The following C1orf21 variants were observed in gnomAD, a reference collection of about 807,000 sequenced individuals.
The protein encoded by C1orf21 is uncharacterized protein C1orf21.
Under a neutral mutation model 18.7 loss-of-function variants are expected in C1orf21, and 3 were observed. The observed-to-expected ratio is 0.16, with a 90% CI of 0.07 to 0.42. C1orf21 has a LOEUF of 0.42. C1orf21 is among the 10% of genes least tolerant of loss of function. The pLI is 0.99. For missense variants in C1orf21, 104 were observed against 143.6 expected (o/e 0.72, Z 1.41); for synonymous variants, 41 against 46.4 (o/e 0.88, Z 0.47).
intron 5 of C1orf21, among the ~76,000 whole-genome samples, chr1:184,602,211 G>T (rs1659594004): frequency 6.6e-6 from 1 of 152,070 alleles, no homozygotes; most frequent in Non-Finnish European, 1.5e-5. Context: ...CTGGTTCAGG[G>T]GTTGGAACTT....
At position 184,476,927 on chromosome 1, in the gene C1orf21, G is replaced by T. The variant is rs532741081; in HGVS notation, c.-124-459G>T. Among the ~76,000 whole-genome samples the T allele has an allele frequency of 2.6e-5, 4 of 152,250 alleles. No homozygotes were observed. The East Asian group carries it at 7.7e-4, about 29-fold the overall frequency. ...CTACCGTTTCCTGGCAAAATTTGAG[G>T]AGCTGGGAGGGCTGGCTTCAGGGTA... On this transcript the variant is annotated intron_variant, in intron 1 of 5. Transcript: ENST00000235307.
chr1:184,500,918 C>G (rs533242932), intron 2 of C1orf21, among the ~76,000 whole-genome samples: 45 of 152,262 alleles, frequency 3.0e-4, no homozygotes, highest in African/African-American at 9.9e-4. Flanking sequence ...GGCAGCTGAC[C>G]CTTCTTCCCT....
chr1:184,443,478 C>G (rs1656980074), intron 1 of C1orf21, among the ~76,000 whole-genome samples: 1 of 152,196 alleles, frequency 6.6e-6, no homozygotes, highest in African/African-American at 2.4e-5. Flanking sequence ...TTCATCTCCT[C>G]TAGCATTCAT....
intron 5 of C1orf21, among the ~76,000 whole-genome samples, chr1:184,606,454 C>T (rs775366193): frequency 2.6e-5 from 4 of 152,144 alleles, no homozygotes; most frequent in Non-Finnish European, 5.9e-5. Flanking sequence ...GTGGCATTCA[C>T]CTGTAGTCCC....
chr1:184,495,376 T>A (rs1571385237), intron 2 of C1orf21, among the ~76,000 whole-genome samples: 1 of 152,306 alleles, frequency 6.6e-6, no homozygotes, highest in African/African-American at 2.4e-5. Flanking sequence ...TTTTTATGTC[T>A]TCCCAGAATA....
intron 1 of C1orf21, among the ~76,000 whole-genome samples, chr1:184,453,600 T>C (rs564188773): frequency 7.9e-5 from 12 of 152,360 alleles, no homozygotes; most frequent in African/African-American, 2.9e-4. Context: ...AAGCCTTGAC[T>C]TTGCTTGATA....
rs1343002408 is a variant in C1orf21, at chr1:184,620,016, A to T, written c.*460A>T. Reference sequence around the variant, plus strand: ...CCCATCTCTCGCACGCAGTCTAGAGATGGACTGAGCCTTGCTTCTCACTGG... The same window carrying T: ...CCCATCTCTCGCACGCAGTCTAGAGTTGGACTGAGCCTTGCTTCTCACTGG... On this transcript the variant is annotated 3_prime_UTR_variant, in exon 6 of 6. Transcript: ENST00000235307. 1 of 157,330 alleles carries T rather than the reference A, an allele frequency of 6.4e-6. No individual in the cohort carries two copies. Among genetic ancestry groups the T allele is most frequent in the African/African-American group, 2.4e-5 (1 of 41,458 alleles). The allele number at this position is 157,330 out of a possible 1,614,324, so 9.7% of individuals were successfully genotyped here.
chr1:184,450,376 C>T (rs1486003374), intron 1 of C1orf21, among the ~76,000 whole-genome samples: 2 of 152,130 alleles, frequency 1.3e-5, no homozygotes, highest in South Asian at 2.1e-4. Flanking sequence ...GGGTGCCTGA[C>T]CAGCTGTAGC....
chr1:184,430,914 A>G (rs917376577), intron 1 of C1orf21, among the ~76,000 whole-genome samples: 7 of 152,194 alleles, frequency 4.6e-5, no homozygotes, highest in Admixed American at 6.5e-5. Flanking sequence ...CTTCCTATCC[A>G]TGAGCACGGA....
At position 184,569,610 on chromosome 1, in the gene C1orf21, T is replaced by A. The variant is rs376472001; in HGVS notation, c.190-21129T>A. ...AATGGCAGGTGCCTCTGGTCCAAGC[T>A]ACTTGGGAGGCCAAGGATGGAGAAT... On this transcript the variant is annotated intron_variant, in intron 3 of 5. Coordinates refer to ENST00000235307, the MANE Select transcript of C1orf21 (RefSeq NM_030806.4). Among the ~76,000 whole-genome samples the A allele has an allele frequency of 3.5e-4, 54 of 152,304 alleles. No homozygotes were observed. The East Asian group carries it at 3.9e-3, about 11-fold the overall frequency.
chr1:184,618,413 G>A (rs750132300), intron 5 of C1orf21, among the ~76,000 whole-genome samples: 42 of 152,108 alleles, frequency 2.8e-4, no homozygotes, highest in Admixed American at 1.2e-3. Context: ...CAGGATCCCA[G>A]AGCTAGGAAG....
At chr1:184,470,650 G>A (rs1657480861) in intron 1 of C1orf21, among the ~76,000 whole-genome samples, 1 of 152,184 alleles carries the variant, frequency 6.6e-6, no homozygotes, top group Non-Finnish European at 1.5e-5. Context: ...AGGCCAAGAT[G>A]GGAAGATCAC....
intron 5 of C1orf21, among the ~76,000 whole-genome samples, chr1:184,612,997 C>A (rs1659762005): frequency 6.6e-6 from 1 of 152,074 alleles, no homozygotes; most frequent in Non-Finnish European, 1.5e-5. Context: ...GTCACCCAGT[C>A]TGGTGTGCAG....
chr1:184,565,995 G>C (rs1659031255), intron 3 of C1orf21, among the ~76,000 whole-genome samples: 2 of 152,150 alleles, frequency 1.3e-5, no homozygotes, highest in Admixed American at 1.3e-4. Context: ...ATATTAAAAG[G>C]GGAGGGGAAG....
chr1:184,579,483 A>T lies in C1orf21; in HGVS notation c.190-11256A>T, dbSNP rs1285882011. On this transcript the variant is annotated intron_variant, in intron 3 of 5. Transcript: ENST00000235307. ...AAGCAATCTCCCACCTCAGCATCCC[A>T]TCAAGATTTTCTTTTTTTTTTTTTT... Among the ~76,000 whole-genome samples the T allele has an allele frequency of 9.5e-5, 11 of 115,534 alleles. No individual in the cohort carries two copies. The Admixed American group carries it at 1.0e-3, about 11-fold the overall frequency. 75.8% of individuals were successfully genotyped at this position (115,534 alleles called of 152,430 possible). A position where few individuals can be genotyped will look rare whatever the true frequency, so the allele number is the denominator to read the frequency against.
intron 1 of C1orf21, among the ~76,000 whole-genome samples, chr1:184,447,497 C>A (rs922122019): frequency 3.3e-5 from 5 of 152,152 alleles, no homozygotes; most frequent in Admixed American, 2.6e-4. Context: ...TTCGTCTACT[C>A]TTTATCTCCA....
At chr1:184,542,230 T>A (rs1658663880) in intron 3 of C1orf21, among the ~76,000 whole-genome samples, 1 of 152,156 alleles carries the variant, frequency 6.6e-6, no homozygotes, top group Non-Finnish European at 1.5e-5. Flanking sequence ...ACAGGGCAAT[T>A]CATATAATAA....
intron 1 of C1orf21, among the ~76,000 whole-genome samples, chr1:184,420,564 A>G (rs1009614182): frequency 6.6e-6 from 1 of 152,178 alleles, no homozygotes; most frequent in South Asian, 2.1e-4. Context: ...TATTAGGAGG[A>G]AAAAATAAAT....
chr1:184,476,512 A>T (rs1159989828), intron 1 of C1orf21, among the ~76,000 whole-genome samples: 1 of 152,234 alleles, frequency 6.6e-6, no homozygotes, highest in African/African-American at 2.4e-5. Context: ...GAGCAAGTTG[A>T]GCAGAGCAAA....
Sources: gnomAD v4.1 joint callset for allele counts (sites outside exome capture counted in the v4.1 genomes callset) on GRCh38, gnomAD v4.1.1 for gene constraint, MANE v1.5 for transcripts, NCBI Gene and HGNC (gene_info 2026-07-23, HGNC 2026-07-21) for gene names.